PBX1: variants seen among roughly 807,000 people sequenced by gnomAD.
PBX1 encodes PBX homeobox 1, also known as pre-B-cell leukemia transcription factor 1.
In PBX1, 6 loss-of-function variants were observed where a neutral mutation model predicts 53.4. The ratio of observed to expected loss-of-function variants is 0.11; its 90% CI spans 0.06 to 0.22. PBX1 has a LOEUF of 0.22. Among genes scored for constraint, PBX1 ranks in the 10% least tolerant of loss-of-function variants. The pLI is 1.00. For missense variants in PBX1, 251 were observed against 551.4 expected (o/e 0.46, Z 5.46); for synonymous variants, 204 against 212.3 (o/e 0.96, Z 0.34).
rs1654102008 is a variant in PBX1, at chr1:164,574,729, C to T, written c.265+11418C>T. 1.3e-5 allele frequency among the ~76,000 whole-genome samples: 2 copies of T among 152,184 alleles called. 1 individual carries two copies. The highest frequency in any genetic ancestry group is 4.1e-4 in the South Asian group (2 of 4,826). On this transcript the variant is annotated intron_variant, in intron 2 of 8. Transcript: ENST00000420696. ...GGGTGTGGTGGCTCACACCTATAAT[C>T]CCAGCACTTTGGGAGGCCGAGATGG... is the stretch of plus-strand genomic sequence containing the variant.
downstream of PBX1, among the ~76,000 whole-genome samples, chr1:164,855,684 G>A (rs1189353028): frequency 1.3e-5 from 2 of 152,192 alleles, no homozygotes; most frequent in Non-Finnish European, 2.9e-5. Context: ...CAGAGAGCAC[G>A]TGAGAAAGCA....
rs746140319 is a variant in PBX1, at chr1:164,773,241, G to GCACACACACACACACACACACA, written c.266-19252_266-19251insACACACACACACACACACACAC. ...TCCAGCTCTTGCATATAGGTAACACGCGCACACACACACACACACACACAC... is the reference window on the plus strand; with the variant it reads ...TCCAGCTCTTGCATATAGGTAACACGCACACACACACACACACACACACGCACACACACACACACACACACAC... On this transcript the variant is annotated intron_variant, in intron 2 of 8. Coordinates refer to ENST00000420696, the MANE Select transcript of PBX1 (RefSeq NM_002585.4). 2.2e-3 allele frequency among the ~76,000 whole-genome samples: 298 copies of GCACACACACACACACACACACA among 135,274 alleles called. 7 individuals carry two copies. The highest frequency in any genetic ancestry group is 6.9e-3 in the African/African-American group (257 of 37,074). The allele number at this position is 135,274 out of a possible 152,430, so 88.7% of individuals were successfully genotyped here. A position where few individuals can be genotyped will look rare whatever the true frequency, so the allele number is the denominator to read the frequency against.
In PBX1 at chr1:164,559,996, G is replaced by T; in HGVS notation, c.174G>T (p.Leu58Phe). The change falls in exon 1 of 9, where the codon TTG (leucine) becomes TTT (phenylalanine). Residue 58 changes from leucine to phenylalanine, a missense_variant. Leu to Phe is a conservative substitution (Grantham distance 22). Coordinates refer to ENST00000420696, the MANE Select transcript of PBX1 (RefSeq NM_002585.4). ...TTATGACCATCACAGACCAGAGTTT[G>T]GATGAGGCGCAGGCCAGGTGAGATG... is the stretch of plus-strand genomic sequence containing the variant. ...QQIMTITDQS[L>F]DEAQARKHAL... 6.8e-7 allele frequency: 1 copy of T among 1,463,016 alleles called. No homozygotes were observed. The highest frequency in any genetic ancestry group is 1.4e-5 in the South Asian group (1 of 72,496). 90.6% of individuals were successfully genotyped at this position (1,463,016 alleles called of 1,614,324 possible).
chr1:164,785,816 C>G (rs1172710242), intron 2 of PBX1, among the ~76,000 whole-genome samples: 1 of 152,202 alleles, frequency 6.6e-6, no homozygotes, highest in Non-Finnish European at 1.5e-5. Flanking sequence ...CCTGTCAGCC[C>G]TCACAGAGTG....
intron 2 of PBX1, among the ~76,000 whole-genome samples, chr1:164,583,254 G>A (rs923696734): frequency 6.6e-6 from 1 of 151,786 alleles, no homozygotes; most frequent in Non-Finnish European, 1.5e-5. Flanking sequence ...TAGAATTTGG[G>A]GTTTGGATCT....
chr1:164,679,359 G>GGACA (rs1276773719), intron 2 of PBX1, among the ~76,000 whole-genome samples: 1 of 152,142 alleles, frequency 6.6e-6, no homozygotes, highest in Non-Finnish European at 1.5e-5. Context: ...CGGCTGCTGT[G>GGACA]GACATCACAG....
At chr1:164,786,714 TGTGTGTGC>T (rs1338862770) in intron 2 of PBX1, among the ~76,000 whole-genome samples, 23 of 113,470 alleles carry the variant, frequency 2.0e-4, no homozygotes, top group African/African-American at 4.6e-4. Context: ...TGTGTGTGTG[TGTGTGTGC>T]GCGCGCACAC....
In PBX1 at chr1:164,870,507, C is replaced by T. The variant is rs191530495; in HGVS notation, n.258-28681C>T. Among the ~76,000 whole-genome samples, 613 of 151,880 alleles carry T rather than the reference C, an allele frequency of 4.0e-3. 2 individuals are homozygous for T. Among genetic ancestry groups the T allele is most frequent in the Non-Finnish European group, 5.8e-3 (393 of 67,966 alleles). ...TACAGGCACGTGCCACCATGCCCAG[C>T]TAATTTTTGTACTTTTAGTAGAGAC... On this transcript the variant is annotated intron_variant and non_coding_transcript_variant, in intron 2 of 2. Transcript: ENST00000558796.
chr1:164,582,387 T>G (rs1471451162), intron 2 of PBX1, among the ~76,000 whole-genome samples: 3 of 151,968 alleles, frequency 2.0e-5, no homozygotes, highest in African/African-American at 7.2e-5. Flanking sequence ...ATTTTTTTCC[T>G]GGTACTGGAC....
rs544092258 is a variant in PBX1 at position 164,732,064 on chromosome 1, A to G, written c.266-60430A>G. ...CGGACAACCTGGACAGTGATGCACG[A>G]AGCACCAGCCTTTCCCAGCAAGTGT... On this transcript the variant is annotated intron_variant, in intron 2 of 8. Transcript: ENST00000420696. Among the ~76,000 whole-genome samples the G allele has an allele frequency of 1.0e-3, 153 of 152,314 alleles. 7 individuals are homozygous for G. The South Asian group carries it at 0.031, about 31-fold the overall frequency.
intron 2 of PBX1, among the ~76,000 whole-genome samples, chr1:164,634,247 G>A (rs1483800292): frequency 6.6e-6 from 1 of 152,222 alleles, no homozygotes; most frequent in Non-Finnish European, 1.5e-5. Context: ...GAGGCTTCTT[G>A]AGGGATGTGG....
chr1:164,844,230 C>T (rs1671450881), intron 8 of PBX1, among the ~76,000 whole-genome samples: 1 of 149,902 alleles, frequency 6.7e-6, no homozygotes, highest in South Asian at 2.1e-4. Context: ...ATTCCTGAAA[C>T]ACTTTGTTTC....
chr1:164,827,914 A>G (rs528961843), intron 8 of PBX1, among the ~76,000 whole-genome samples: 2 of 152,342 alleles, frequency 1.3e-5, no homozygotes, highest in South Asian at 2.1e-4. Context: ...AGAAACTCTG[A>G]TGTCAGTCAG....
intron 2 of PBX1, chr1:164,577,029 G>A (rs1654298942): frequency 2.0e-5 from 3 of 152,218 alleles, no homozygotes. Flanking sequence ...GTGCTAACAC[G>A]CACGCGTATT....
intron 2 of PBX1, chr1:164,641,393 C>T (rs1659132687): frequency 6.5e-6 from 1 of 153,026 alleles, no homozygotes; most frequent in Admixed American, 6.5e-5. Flanking sequence ...TAGTCTGGGC[C>T]AGTAAAGCCA....
At chr1:164,663,912 T>C (rs186073766) in intron 2 of PBX1, among the ~76,000 whole-genome samples, 1 of 152,320 alleles carries the variant, frequency 6.6e-6, no homozygotes, top group East Asian at 1.9e-4. Context: ...GGTGGTCCTT[T>C]GTGTGGGAAT....
At chr1:164,672,021 G>T in intron 2 of PBX1, among the ~76,000 whole-genome samples, 1 of 140,950 alleles carries the variant, frequency 7.1e-6, no homozygotes, top group African/African-American at 2.5e-5. Context: ...TTCTTACTCT[G>T]GTTGTTTTTC....
At chr1:164,803,001 C>T (rs116274563) in intron 4 of PBX1, among the ~76,000 whole-genome samples, 5 of 151,994 alleles carry the variant, frequency 3.3e-5, no homozygotes, top group Admixed American at 6.6e-5. Flanking sequence ...ATTAAAAGTA[C>T]GTCTGTATAC....
At chr1:164,765,601 A>G (rs1445552688) in intron 2 of PBX1, among the ~76,000 whole-genome samples, 1 of 152,188 alleles carries the variant, frequency 6.6e-6, no homozygotes, top group Non-Finnish European at 1.5e-5. Flanking sequence ...TGCTTTACAC[A>G]TGTTAACTCA....
Sources: allele counts gnomAD v4.1 joint callset (sites outside exome capture counted in the v4.1 genomes callset), GRCh38; gene constraint gnomAD v4.1.1; transcripts MANE v1.5; gene names NCBI Gene and HGNC (gene_info 2026-07-23, HGNC 2026-07-21).